DIP2B: variants seen among roughly 807,000 people sequenced by gnomAD.
DIP2B encodes the protein DIP2 acetate--CoA ligase B (putative).
DIP2B carries 76 observed loss-of-function variants against 198.0 expected under a neutral mutation model. The observed-to-expected ratio is 0.38, with a 90% CI of 0.32 to 0.46. The LOEUF is 0.46. Ranked by LOEUF, DIP2B falls within the 20% of genes least tolerant of loss-of-function variation. The pLI, the probability that DIP2B is intolerant of heterozygous loss-of-function variation, is 0.99. For missense variants in DIP2B, 1,559 were observed against 1,978.4 expected (o/e 0.79, Z 4.02); for synonymous variants, 701 against 739.1 (o/e 0.95, Z 0.84).
chr12:50,545,155 A>G (rs928421818), intron 1 of DIP2B, among the ~76,000 whole-genome samples: 1 of 152,120 alleles, frequency 6.6e-6, no homozygotes, highest in Non-Finnish European at 1.5e-5. Context: ...TAAAATTACT[A>G]GTAGTGGAAT....
chr12:50,716,283 A>AAACT (rs34194594), intron 23 of DIP2B, among the ~76,000 whole-genome samples: 44,177 of 151,874 alleles, frequency 0.29, 6,599 homozygotes, highest in East Asian at 0.4. Context: ...TTGTAGACTA[A>AAACT]AACTGTTCAC....
intron 1 of DIP2B, among the ~76,000 whole-genome samples, chr12:50,601,996 T>G (rs1042429912): frequency 6.6e-6 from 1 of 152,202 alleles, no homozygotes; most frequent in Admixed American, 6.5e-5. Flanking sequence ...GAGCAAAAAT[T>G]CTTTCTCATG....
intron 1 of DIP2B, among the ~76,000 whole-genome samples, chr12:50,577,082 G>A (rs935158908): frequency 1.3e-5 from 2 of 152,126 alleles, no homozygotes; most frequent in African/African-American, 4.8e-5. Flanking sequence ...CTGACTACAG[G>A]CGTGAGCCAC....
chr12:50,528,452 A>G (rs1958187415), intron 1 of DIP2B, among the ~76,000 whole-genome samples: 1 of 152,024 alleles, frequency 6.6e-6, no homozygotes. Context: ...AAAAAAGGAA[A>G]AGTATAGTGA....
At chr12:50,739,062 A>G (rs746307267) in intron 35 of DIP2B, among the ~76,000 whole-genome samples, 6 of 152,236 alleles carry the variant, frequency 3.9e-5, no homozygotes, top group Non-Finnish European at 8.8e-5. Context: ...GAAATGAGCC[A>G]GGGAGGCAGG....
chr12:50,591,515 G>A (rs1264322706), intron 1 of DIP2B, among the ~76,000 whole-genome samples: 1 of 151,878 alleles, frequency 6.6e-6, no homozygotes, highest in Non-Finnish European at 1.5e-5. Flanking sequence ...TCAGCTCACT[G>A]TATCCTTTGC....
intron 1 of DIP2B, among the ~76,000 whole-genome samples, chr12:50,529,250 C>T (rs894761121): frequency 1.3e-5 from 2 of 152,158 alleles, no homozygotes; most frequent in African/African-American, 4.8e-5. Context: ...GTGATGGCAC[C>T]ATTGCAACTC....
At chr12:50,612,708 C>T (rs1422549694) in intron 1 of DIP2B, among the ~76,000 whole-genome samples, 4 of 152,274 alleles carry the variant, frequency 2.6e-5, no homozygotes, top group Admixed American at 6.5e-5. Context: ...GGATTACAGG[C>T]GTGAGCCACC....
At chr12:50,530,521 G>T (rs142438336) in intron 1 of DIP2B, among the ~76,000 whole-genome samples, 2 of 152,308 alleles carry the variant, frequency 1.3e-5, no homozygotes, top group African/African-American at 4.8e-5. Flanking sequence ...AATAGTTTCA[G>T]GTTGCTGTGT....
At chr12:50,525,216 G>C (rs890453306) in intron 1 of DIP2B, among the ~76,000 whole-genome samples, 1 of 152,022 alleles carries the variant, frequency 6.6e-6, no homozygotes, top group Non-Finnish European at 1.5e-5. Flanking sequence ...AAATTAGCTG[G>C]GTGTGGTGTT....
chr12:50,572,479 G>A (rs965863713), intron 1 of DIP2B, among the ~76,000 whole-genome samples: 5 of 152,136 alleles, frequency 3.3e-5, no homozygotes, highest in East Asian at 3.9e-4. Context: ...GAATGCTTTC[G>A]CAACAACTTG....
At chr12:50,667,695 G>T (rs1478151178) in intron 4 of DIP2B, among the ~76,000 whole-genome samples, 1 of 152,132 alleles carries the variant, frequency 6.6e-6, no homozygotes, top group Non-Finnish European at 1.5e-5. Context: ...TCTACCAACT[G>T]TTAGTCAGTT....
At chr12:50,704,993 C>T (rs1939489159) in intron 20 of DIP2B, among the ~76,000 whole-genome samples, 1 of 151,918 alleles carries the variant, frequency 6.6e-6, no homozygotes, top group Non-Finnish European at 1.5e-5. Flanking sequence ...ATTCAGAACA[C>T]AGTATTTATA....
At position 50,509,471 on chromosome 12, in the gene DIP2B, A is replaced by G. The variant is rs1957995810; in HGVS notation, c.100+4231A>G. Among the ~76,000 whole-genome samples the G allele has an allele frequency of 1.3e-5, 2 of 152,250 alleles. 1 individual carries two copies. Among genetic ancestry groups the G allele is most frequent in the South Asian group, 4.1e-4 (2 of 4,834 alleles). ...TTAAGATAAAATAACACTCACAGGA[A>G]GGGATCCTCCCTTTTCTTGTTTGAA... is the stretch of plus-strand genomic sequence containing the variant. On this transcript the variant is annotated intron_variant, in intron 1 of 37. Coordinates refer to ENST00000301180, the MANE Select transcript of DIP2B (RefSeq NM_173602.3).
At chr12:50,507,082 C>G (rs1957974761) in intron 1 of DIP2B, among the ~76,000 whole-genome samples, 1 of 152,188 alleles carries the variant, frequency 6.6e-6, no homozygotes, top group Non-Finnish European at 1.5e-5. Context: ...CACTGATTAG[C>G]TCACCTCTCT....
At position 50,739,563 on chromosome 12, in the gene DIP2B, C is replaced by T; in HGVS notation, c.4331C>T (p.Thr1444Ile). Residue 1444 changes from threonine (T) to isoleucine (I), a missense_variant, in exon 36 of 38, where the codon ACC (threonine) becomes ATC (isoleucine). Transcript: ENST00000301180. ...RTGYLGFVRR[T>I]ELTAATGERH... ...GGATACCTTGGTTTTGTCCGCCGGA[C>T]CGAGCTCACAGCGGCCACTGGAGGT... 6.2e-7 allele frequency: 1 copy of T among 1,613,980 alleles called. No individual in the cohort carries two copies. Among genetic ancestry groups the T allele is most frequent in the African/African-American group, 1.3e-5 (1 of 75,048 alleles).
chr12:50,733,992 G>A, intron 32 of DIP2B, 143 bp from the exon 33 acceptor site: 1 of 800,654 alleles, frequency 1.2e-6, no homozygotes, highest in Non-Finnish European at 2.1e-6. Context: ...ATAAGAGTGA[G>A]AGCAGGGGGC....
At position 50,744,798 on chromosome 12, in the gene DIP2B, G is replaced by C; in HGVS notation, c.4690G>C (p.Ala1564Pro). 5.6e-6 allele frequency: 9 copies of C among 1,614,154 alleles called. No individual in the cohort carries two copies. The highest frequency in any genetic ancestry group is 7.6e-6 in the Non-Finnish European group (9 of 1,180,026). ...QRMHLRDSFL[A>P]DQLDPIYVAY... is the part of the protein sequence containing the mutation. Reference sequence around the variant, plus strand: ...GATGCACCTCCGTGATAGCTTCCTAGCTGACCAGTTAGACCCCATCTACGT... The same window carrying C: ...GATGCACCTCCGTGATAGCTTCCTACCTGACCAGTTAGACCCCATCTACGT... The change falls in exon 38 of 38, where the codon GCT becomes CCT. Residue 1564 changes from alanine to proline, a missense_variant. Coordinates refer to ENST00000301180, the MANE Select transcript of DIP2B (RefSeq NM_173602.3).
chr12:50,640,062 A>G (rs1191369733), intron 2 of DIP2B, among the ~76,000 whole-genome samples: 1 of 152,164 alleles, frequency 6.6e-6, no homozygotes, highest in Non-Finnish European at 1.5e-5. Context: ...TTTACACTCA[A>G]AATTTTGTTA....
Sources: gnomAD v4.1 joint callset for allele counts (sites outside exome capture counted in the v4.1 genomes callset) on GRCh38, gnomAD v4.1.1 for gene constraint, MANE v1.5 for transcripts, NCBI Gene and HGNC (gene_info 2026-07-23, HGNC 2026-07-21) for gene names.